The following VAX2 variants were observed in gnomAD, a reference collection of about 807,000 sequenced individuals.
VAX2 encodes the protein ventral anterior homeobox 2.
A neutral mutation model predicts 12.5 loss-of-function variants in VAX2; 8 were observed. The ratio of observed to expected loss-of-function variants is 0.64; its 90% CI spans 0.37 to 1.15. The LOEUF is 1.15. Among genes scored for constraint, VAX2 ranks in the 50% most tolerant of loss-of-function variants. The pLI, the probability that VAX2 is intolerant of heterozygous loss-of-function variation, is 0.01. For synonymous variants in VAX2, 183 were observed against 187.6 expected (o/e 0.98, Z 0.20); for missense variants, 476 against 412.9 (o/e 1.15, Z -1.32).
chr2:70,922,820 C>G (rs2104778756), intron 2 of VAX2, among the ~76,000 whole-genome samples: 1 of 152,294 alleles, frequency 6.6e-6, no homozygotes, highest in East Asian at 1.9e-4. Flanking sequence ...GCTGGGAAGC[C>G]AGGCTTGTGC....
rs369829011 is a variant in VAX2 at position 70,932,936 on chromosome 2, C to A, written c.605C>A (p.Ala202Glu). 6 of 1,612,960 alleles carry A rather than the reference C, an allele frequency of 3.7e-6. No individual in the cohort carries two copies. The highest frequency in any genetic ancestry group is 3.3e-5 in the South Asian group (3 of 91,010). ...GTGCCCAGGGCCCCTAGCCTCCTGG[C>A]GCTGACCCCTAGCCTGCCAGGCCTA... is the stretch of plus-strand genomic sequence containing the variant. ...LSVPRAPSLLALTPSLPGLPA... is the reference protein window; with the variant it reads ...LSVPRAPSLLELTPSLPGLPA... The change falls in exon 3 of 3, where the codon GCG (alanine) becomes GAG (glutamate). Residue 202 changes from alanine (A) to glutamate (E), a missense_variant. Ala to Glu is a moderately radical substitution (Grantham distance 107, BLOSUM62 -1). Coordinates refer to ENST00000234392, the MANE Select transcript of VAX2 (RefSeq NM_012476.3).
At chr2:70,921,981 G>C (rs530876905) in intron 2 of VAX2, among the ~76,000 whole-genome samples, 99 of 152,292 alleles carry the variant, frequency 6.5e-4, no homozygotes, top group South Asian at 1.2e-3. Flanking sequence ...CAGGCACTAA[G>C]TGCTTTGCCT....
intron 2 of VAX2, among the ~76,000 whole-genome samples, chr2:70,929,228 G>A (rs1379775525): frequency 6.6e-6 from 1 of 152,196 alleles, no homozygotes; most frequent in African/African-American, 2.4e-5. Context: ...TCTTCAGGGA[G>A]GCTGTATGTG....
intron 1 of VAX2, among the ~76,000 whole-genome samples, chr2:70,901,736 G>A (rs782516768): frequency 1.3e-5 from 2 of 152,190 alleles, no homozygotes; most frequent in Non-Finnish European, 2.9e-5. Flanking sequence ...CCCTCGATCT[G>A]GGCCTCGCCC....
At chr2:70,913,248 T>C (rs1237937604) in intron 1 of VAX2, among the ~76,000 whole-genome samples, 1 of 152,228 alleles carries the variant, frequency 6.6e-6, no homozygotes, top group Non-Finnish European at 1.5e-5. Context: ...AGAAAGGGTG[T>C]GGCAACACAC....
intron 1 of VAX2, among the ~76,000 whole-genome samples, chr2:70,903,912 C>G (rs530110107): frequency 1.3e-5 from 2 of 152,292 alleles, no homozygotes; most frequent in East Asian, 3.9e-4. Flanking sequence ...CAGCCCTCCC[C>G]AATCTCCTTG....
intron 1 of VAX2, 72 bp downstream of exon 1, chr2:70,900,940 G>A (rs1572883031): frequency 8.0e-7 from 1 of 1,248,376 alleles, no homozygotes; most frequent in Non-Finnish European, 1.0e-6. Context: ...CGACCTAGCT[G>A]CAGCTGACAC....
chr2:70,926,494 C>G (rs750710994), intron 2 of VAX2, among the ~76,000 whole-genome samples: 4 of 152,114 alleles, frequency 2.6e-5, no homozygotes, highest in Non-Finnish European at 4.4e-5. Context: ...TGTCACCATG[C>G]TTTGTTTGAA....
chr2:70,907,642 C>T (rs139218885), intron 1 of VAX2, among the ~76,000 whole-genome samples: 79 of 152,372 alleles, frequency 5.2e-4, no homozygotes, highest in African/African-American at 1.8e-3. Context: ...GCAAAGGACA[C>T]TCTACGAGGC....
At chr2:70,920,670 C>T (rs1373553178) in intron 1 of VAX2, among the ~76,000 whole-genome samples, 1 of 151,312 alleles carries the variant, frequency 6.6e-6, no homozygotes, top group Non-Finnish European at 1.5e-5. Context: ...CACACACACG[C>T]ACAGCTTAGG....
intron 1 of VAX2, among the ~76,000 whole-genome samples, chr2:70,910,989 T>C (rs1407261162): frequency 4.6e-5 from 7 of 152,042 alleles, no homozygotes; most frequent in Admixed American, 4.6e-4. Flanking sequence ...CACAAACATA[T>C]TAAAATGTTT....
At chr2:70,914,437 T>C (rs1395689703) in intron 1 of VAX2, among the ~76,000 whole-genome samples, 3 of 152,102 alleles carry the variant, frequency 2.0e-5, no homozygotes, top group Non-Finnish European at 2.9e-5. Context: ...AGCAACAGAG[T>C]GAGACTCTAT....
intron 1 of VAX2, among the ~76,000 whole-genome samples, chr2:70,914,925 T>C (rs1440036414): frequency 6.6e-6 from 1 of 151,578 alleles, no homozygotes; most frequent in Non-Finnish European, 1.5e-5. Context: ...CCTCGGCCCC[T>C]GAGTAGCTGG....
chr2:70,932,659 C>A, intron 2 of VAX2, 108 bp from the exon 3 acceptor site: 1 of 265,852 alleles, frequency 3.8e-6, no homozygotes, highest in Non-Finnish European at 6.9e-6. Flanking sequence ...CCCCCATCCA[C>A]CACCTGCCCC....
intron 1 of VAX2, among the ~76,000 whole-genome samples, chr2:70,901,147 G>A (rs573448461): frequency 4.6e-5 from 7 of 152,248 alleles, no homozygotes; most frequent in Non-Finnish European, 1.0e-4. Context: ...ACTGTGGCGG[G>A]GGCAGAAATG....
Position 70,929,617 on chromosome 2 carries a change from G to A in VAX2, c.436-3150G>A, listed in dbSNP as rs375247609. ...CAGGAGACTCACTTGAACCCCGGAGGTGGAAGTTGCAGTGAGCCGAGATCA... is the reference window on the plus strand; with the variant it reads ...CAGGAGACTCACTTGAACCCCGGAGATGGAAGTTGCAGTGAGCCGAGATCA... On this transcript the variant is annotated intron_variant, in intron 2 of 2. Coordinates refer to ENST00000234392, the MANE Select transcript of VAX2 (RefSeq NM_012476.3). Among the ~76,000 whole-genome samples, 27 of 149,866 alleles carry A rather than the reference G, an allele frequency of 1.8e-4. No individual in the cohort carries two copies. The South Asian group carries it at 5.7e-3, about 31-fold the overall frequency.
At chr2:70,919,243 A>T (rs1235771938) in intron 1 of VAX2, among the ~76,000 whole-genome samples, 1 of 151,298 alleles carries the variant, frequency 6.6e-6, no homozygotes, top group Non-Finnish European at 1.5e-5. Context: ...AAAAAAAAAA[A>T]AAAGAATAAA....
Position 70,921,294 on chromosome 2 carries a change from C to G in VAX2, c.435+9C>G, listed in dbSNP as rs782681078. On this transcript the variant is annotated intron_variant, in intron 2 of 2. Coordinates refer to ENST00000234392, the MANE Select transcript of VAX2 (RefSeq NM_012476.3). Reference sequence around the variant, plus strand: ...ACCTCTCCGAGACCCAGGTAAGAGACCAGGGCCAGGCCACTCCACTCTTGT... The same window carrying G: ...ACCTCTCCGAGACCCAGGTAAGAGAGCAGGGCCAGGCCACTCCACTCTTGT... The G allele has an allele frequency of 1.2e-6, 2 of 1,601,130 alleles. No homozygotes were observed. Among genetic ancestry groups the G allele is most frequent in the East Asian group, 4.5e-5 (2 of 44,298 alleles).
Position 70,933,321 on chromosome 2 carries a change from C to T in VAX2, c.*117C>T, listed in dbSNP as rs781791516. On this transcript the variant is annotated 3_prime_UTR_variant, in exon 3 of 3. Coordinates refer to ENST00000234392, the MANE Select transcript of VAX2 (RefSeq NM_012476.3). Reference sequence around the variant, plus strand: ...GGGGCTGCAGCCACACACTCTTCCCCACCTGCCCCCCAGCTCAGAGACTCG... The same window carrying T: ...GGGGCTGCAGCCACACACTCTTCCCTACCTGCCCCCCAGCTCAGAGACTCG... 3.8e-6 allele frequency: 4 copies of T among 1,049,370 alleles called. No homozygotes were observed. The highest frequency in any genetic ancestry group is 4.0e-5 in the Admixed American group (1 of 25,080). The allele number at this position is 1,049,370 out of a possible 1,614,324, so 65.0% of individuals were successfully genotyped here.
Sources: allele counts gnomAD v4.1 joint callset (sites outside exome capture counted in the v4.1 genomes callset), GRCh38; gene constraint gnomAD v4.1.1; transcripts MANE v1.5; gene names NCBI Gene and HGNC (gene_info 2026-07-23, HGNC 2026-07-21).